The following MGAT4A variants were observed in gnomAD, a reference collection of about 807,000 sequenced individuals.
MGAT4A encodes the protein alpha-1,3-mannosyl-glycoprotein 4-beta-N-acetylglucosaminyltransferase A, also known as N-acetylglucosaminyltransferase IVa.
MGAT4A carries 33 observed loss-of-function variants against 74.1 expected under a neutral mutation model. The ratio of observed to expected loss-of-function variants is 0.45; its 90% CI spans 0.34 to 0.60. The LOEUF (loss-of-function observed/expected upper bound fraction) is 0.60, where lower values mean the gene tolerates loss of function less well. MGAT4A is among the 20% of genes least tolerant of loss of function. The pLI, the probability that MGAT4A is intolerant of heterozygous loss-of-function variation, is 0.02. For missense variants in MGAT4A, 479 were observed against 628.3 expected, an observed-to-expected ratio of 0.76 and a Z score of 2.54; for synonymous variants, 198 against 210.4, an observed-to-expected ratio of 0.94 and a Z score of 0.51.
chr2:98,656,866 A>T (rs1443329638), intron 6 of MGAT4A, among the ~76,000 whole-genome samples: 1 of 152,180 alleles, frequency 6.6e-6, no homozygotes, highest in East Asian at 1.9e-4. Context: ...TTTTGCAAAA[A>T]CCAAAGCTCT....
intron 2 of MGAT4A, among the ~76,000 whole-genome samples, chr2:98,681,035 T>G (rs1177096908): frequency 6.6e-6 from 1 of 152,210 alleles, no homozygotes; most frequent in Non-Finnish European, 1.5e-5. Flanking sequence ...CAGGCTGGAG[T>G]GCAGTGGCGC....
chr2:98,636,060 C>T (rs1282408189), intron 13 of MGAT4A, among the ~76,000 whole-genome samples: 4 of 151,134 alleles, frequency 2.6e-5, no homozygotes, highest in African/African-American at 9.7e-5. Flanking sequence ...TAGAAACGTT[C>T]ATATTATTTG....
intron 2 of MGAT4A, among the ~76,000 whole-genome samples, chr2:98,708,681 G>A (rs1702474584): frequency 6.6e-6 from 1 of 152,118 alleles, no homozygotes; most frequent in Admixed American, 6.5e-5. Flanking sequence ...CATGATTCAA[G>A]TATCCTTTAA....
chr2:98,696,211 T>C (rs1702273588), intron 2 of MGAT4A, among the ~76,000 whole-genome samples: 1 of 152,210 alleles, frequency 6.6e-6, no homozygotes, highest in Admixed American at 6.5e-5. Flanking sequence ...TTCCCTCCCT[T>C]GCTCTTTGAG....
intron 8 of MGAT4A, among the ~76,000 whole-genome samples, chr2:98,652,047 T>C (rs748436876): frequency 6.6e-6 from 1 of 152,142 alleles, no homozygotes; most frequent in African/African-American, 2.4e-5. Flanking sequence ...CACCTAATAA[T>C]AGAGGTCTCA....
chr2:98,714,666 A>G (rs1219220292), intron 2 of MGAT4A, among the ~76,000 whole-genome samples: 1 of 152,182 alleles, frequency 6.6e-6, no homozygotes, highest in Non-Finnish European at 1.5e-5. Flanking sequence ...GATTGCTTCC[A>G]GGACAGGGGT....
At chr2:98,658,067 G>A (rs1045329375) in intron 6 of MGAT4A, 151 bp downstream of exon 6, 4 of 574,502 alleles carry the variant, frequency 7.0e-6, no homozygotes, top group Non-Finnish European at 1.2e-5. Flanking sequence ...ACCTACTTTG[G>A]GACAATATCA....
chr2:98,687,351 T>A (rs1234738311), intron 2 of MGAT4A, among the ~76,000 whole-genome samples: 1 of 152,176 alleles, frequency 6.6e-6, no homozygotes, highest in East Asian at 1.9e-4. Context: ...ATGTAGATAG[T>A]TCTTCATTAG....
intron 10 of MGAT4A, among the ~76,000 whole-genome samples, chr2:98,642,438 C>T (rs573454675): frequency 6.6e-6 from 1 of 152,250 alleles, no homozygotes; most frequent in African/African-American, 2.4e-5. Flanking sequence ...GAATTAGAGG[C>T]CACACAAAAA....
chr2:98,728,937 T>C (rs920511648), intron 1 of MGAT4A, among the ~76,000 whole-genome samples: 1 of 152,088 alleles, frequency 6.6e-6, no homozygotes, highest in Non-Finnish European at 1.5e-5. Flanking sequence ...CTATTTTACT[T>C]GAGAAAGAAT....
chr2:98,628,179 T>C (rs1701174703), intron 14 of MGAT4A, among the ~76,000 whole-genome samples: 1 of 152,174 alleles, frequency 6.6e-6, no homozygotes, highest in Non-Finnish European at 1.5e-5. Flanking sequence ...AAACAGACTA[T>C]TTACAGGGGC....
chr2:98,649,280 T>A (rs761823699), intron 8 of MGAT4A, among the ~76,000 whole-genome samples: 32 of 151,972 alleles, frequency 2.1e-4, no homozygotes, highest in Non-Finnish European at 4.1e-4. Flanking sequence ...GAGGGCTGTG[T>A]GAGAGTGACA....
intron 4 of MGAT4A, among the ~76,000 whole-genome samples, chr2:98,672,480 G>A (rs1186868391): frequency 6.6e-6 from 1 of 152,150 alleles, no homozygotes; most frequent in African/African-American, 2.4e-5. Context: ...TGCCGTTTTG[G>A]TAGATAACCC....
intron 10 of MGAT4A, among the ~76,000 whole-genome samples, chr2:98,641,428 G>GGC (rs1459381176): frequency 6.6e-6 from 1 of 150,874 alleles, no homozygotes. Context: ...GGCCGAGGTG[G>GGC]GCGGATCACG....
At chr2:98,705,033 C>A (rs780103709) in intron 2 of MGAT4A, among the ~76,000 whole-genome samples, 1 of 152,084 alleles carries the variant, frequency 6.6e-6, no homozygotes, top group Non-Finnish European at 1.5e-5. Context: ...TATCATTAAC[C>A]CTAGCTTTCC....
chr2:98,715,534 A>C (rs1182466751), intron 2 of MGAT4A, among the ~76,000 whole-genome samples: 1 of 152,100 alleles, frequency 6.6e-6, no homozygotes, highest in Non-Finnish European at 1.5e-5. Flanking sequence ...TATCCTTAGC[A>C]AACTAATGCA....
At chr2:98,701,778 T>A (rs1322229342) in intron 2 of MGAT4A, among the ~76,000 whole-genome samples, 4 of 152,144 alleles carry the variant, frequency 2.6e-5, no homozygotes, top group Non-Finnish European at 5.9e-5. Flanking sequence ...TAAAATTAGG[T>A]CCTTATTTAT....
At chr2:98,712,237 C>A (rs553587585) in intron 2 of MGAT4A, among the ~76,000 whole-genome samples, 24 of 152,348 alleles carry the variant, frequency 1.6e-4, no homozygotes, top group African/African-American at 5.3e-4. Flanking sequence ...TCTTTTCAGA[C>A]CAACTCCAAC....
At chr2:98,713,033 A>G (rs7599792) in intron 2 of MGAT4A, among the ~76,000 whole-genome samples, 49,463 of 151,362 alleles carry the variant, frequency 0.33, 10,441 homozygotes, top group African/African-American at 0.59. Context: ...GCCTGGTGTG[A>G]TGGCACACAC....
Sources: allele counts gnomAD v4.1 joint callset (sites outside exome capture counted in the v4.1 genomes callset), GRCh38; gene constraint gnomAD v4.1.1; transcripts MANE v1.5; gene names NCBI Gene and HGNC (gene_info 2026-07-23, HGNC 2026-07-21).